The following ALAD variants were observed in gnomAD, a reference collection of about 807,000 sequenced individuals.
ALAD encodes aminolevulinate dehydratase, also known as delta-aminolevulinic acid dehydratase.
ALAD carries 20 observed loss-of-function variants against 44.4 expected under a neutral mutation model. The ratio of observed to expected loss-of-function variants is 0.45; its 90% CI spans 0.32 to 0.65. The LOEUF is 0.65. Ranked by LOEUF, ALAD falls within the 30% of genes least tolerant of loss-of-function variation. ALAD has a pLI of 0.05. For missense variants in ALAD, 323 were observed against 445.7 expected (o/e 0.72, Z 2.48); for synonymous variants, 156 against 167.9 (o/e 0.93, Z 0.55).
intron 2 of ALAD, among the ~76,000 whole-genome samples, chr9:113,392,967 G>A (rs1156875059): frequency 6.6e-6 from 1 of 151,902 alleles, no homozygotes; most frequent in Non-Finnish European, 1.5e-5. Context: ...ACAGGCACCC[G>A]CCACCACGCC....
chr9:113,392,182 G>A lies in ALAD; in HGVS notation c.114-13C>T. 1 of 1,613,952 alleles carries A rather than the reference G, an allele frequency of 6.2e-7. No individual in the cohort carries two copies. Among genetic ancestry groups the A allele is most frequent in the East Asian group, 2.2e-5 (1 of 44,882 alleles). On this transcript the variant is annotated splice_polypyrimidine_tract_variant and intron_variant, in intron 2 of 11. Transcript: ENST00000409155. ...ATCAGGAACATCCCTGCAAGAGCGG[G>A]GGTGGGATATGGATTGGTAGCTGTG...
rs768861725 is a variant in ALAD, at chr9:113,387,868, C to T, written c.*432G>A. 12 of 281,170 alleles carry T rather than the reference C, an allele frequency of 4.3e-5. No homozygotes were observed. Among genetic ancestry groups the T allele is most frequent in the Middle Eastern group, 1.3e-3 (1 of 762 alleles). 17.4% of individuals were successfully genotyped at this position (281,170 alleles called of 1,614,324 possible). On this transcript the variant is annotated 3_prime_UTR_variant, in exon 12 of 12. Coordinates refer to ENST00000409155, the MANE Select transcript of ALAD (RefSeq NM_000031.6). ...CTAACCCAGGGATATCGATCTAGGCCTCATTCCCACACCCAGCTCTGCTGC... is the reference window on the plus strand; with the variant it reads ...CTAACCCAGGGATATCGATCTAGGCTTCATTCCCACACCCAGCTCTGCTGC...
intron 2 of ALAD, 24 bp downstream of exon 2, chr9:113,393,423 C>G: frequency 6.3e-7 from 1 of 1,581,936 alleles, no homozygotes; most frequent in Non-Finnish European, 8.7e-7. Flanking sequence ...AGAGCAGAGG[C>G]CTGGCCCATT....
At position 113,392,277 on chromosome 9, in the gene ALAD, G is replaced by C. The variant is rs147065323; in HGVS notation, c.114-108C>G. On this transcript the variant is annotated intron_variant, in intron 2 of 11. Transcript: ENST00000409155. ...AGCAGGAAAGAAATATGGAAGTGGA[G>C]ATGGTGGGAGGAGGATGGGATCCAG... 19 of 1,597,182 alleles carry C rather than the reference G, an allele frequency of 1.2e-5. No individual in the cohort carries two copies. In the South Asian group the frequency reaches 1.7e-4, roughly 14 times the overall value.
chr9:113,396,079 C>T (rs370968126), intron 1 of ALAD, among the ~76,000 whole-genome samples: 12 of 152,072 alleles, frequency 7.9e-5, no homozygotes, highest in African/African-American at 2.7e-4. Flanking sequence ...GCCTGTAATC[C>T]CAGCTACTTC....
At position 113,390,829 on chromosome 9, in the gene ALAD, G is replaced by A. The variant is rs1311119978; in HGVS notation, c.366C>T (p.Cys122=). ...FPNLLVACDV[C]LCPYTSHGHC... ...GACCATGGGAGGTGTAGGGACACAG[G>A]CAGACATCACAGGCCACCAGGAGGT... Residue 122 remains cysteine, a synonymous_variant, in exon 5 of 12, where the codon TGC becomes TGT. Transcript: ENST00000409155. 1 of 1,613,320 alleles carries A rather than the reference G, an allele frequency of 6.2e-7. No individual in the cohort carries two copies. Among genetic ancestry groups the A allele is most frequent in the Non-Finnish European group, 8.5e-7 (1 of 1,179,724 alleles).
chr9:113,394,433 G>A (rs944780815), intron 1 of ALAD, among the ~76,000 whole-genome samples: 1 of 151,618 alleles, frequency 6.6e-6, no homozygotes, highest in Non-Finnish European at 1.5e-5. Context: ...AGCTACTCAG[G>A]AGGCTAAAGC....
At chr9:113,393,706 C>G (rs780947939) in intron 1 of ALAD, 72 bp from the exon 2 acceptor site, 3 of 667,074 alleles carry the variant, frequency 4.5e-6, no homozygotes, top group East Asian at 5.3e-5. Context: ...TGGAAAACAG[C>G]TCTTCTAGAT....
At chr9:113,388,876 G>T in intron 11 of ALAD, 101 bp downstream of exon 11, 1 of 1,570,060 alleles carries the variant, frequency 6.4e-7, no homozygotes, top group Non-Finnish European at 8.8e-7. Flanking sequence ...GTAATTCCCG[G>T]AATAAGATCC....
intron 3 of ALAD, 64 bp downstream of exon 3, chr9:113,392,055 G>A: frequency 6.9e-7 from 1 of 1,451,108 alleles, no homozygotes; most frequent in Admixed American, 1.9e-5. Context: ...CTGCCTCCCA[G>A]CACTTCCACC....
At chr9:113,400,274 G>A (rs1334372078) in intron 1 of ALAD, among the ~76,000 whole-genome samples, 1 of 152,158 alleles carries the variant, frequency 6.6e-6, no homozygotes, top group Non-Finnish European at 1.5e-5. Context: ...AGTCCTCAGT[G>A]CCCACCATGA....
chr9:113,388,989 A>G lies in ALAD; in HGVS notation c.919T>C (p.Phe307Leu), dbSNP rs764311002. The change falls in exon 11 of 12, where the codon TTC becomes CTC. Residue 307 changes from phenylalanine (F) to leucine (L), a missense_variant. Coordinates refer to ENST00000409155, the MANE Select transcript of ALAD (RefSeq NM_000031.6). ...CTTGCCTGCCTACCTGCTCTGCGGA[A>G]GGCAGTCATGGCCTCCAGTACGGCA... ...KAAVLEAMTA[F>L]RRAGADIIIT... 1 of 1,613,898 alleles carries G rather than the reference A, an allele frequency of 6.2e-7. No homozygotes were observed. Among genetic ancestry groups the G allele is most frequent in the Non-Finnish European group, 8.5e-7 (1 of 1,180,036 alleles).
intron 11 of ALAD, 81 bp from the exon 12 acceptor site, chr9:113,388,442 C>CG: frequency 7.4e-7 from 1 of 1,360,174 alleles, no homozygotes; most frequent in Non-Finnish European, 1.1e-6. Flanking sequence ...GAAGGCCAGG[C>CG]GGGGAAGAAG....
intron 1 of ALAD, among the ~76,000 whole-genome samples, chr9:113,399,546 A>G (rs1827808741): frequency 6.6e-6 from 1 of 152,176 alleles, no homozygotes; most frequent in African/African-American, 2.4e-5. Context: ...TGTCAGAGGG[A>G]CTGTGTCTCT....
intron 1 of ALAD, among the ~76,000 whole-genome samples, chr9:113,400,711 A>C (rs979448965): frequency 6.6e-6 from 1 of 152,134 alleles, no homozygotes; most frequent in Non-Finnish European, 1.5e-5. Flanking sequence ...AATCCCAGCT[A>C]GTTGGCAGGC....
At chr9:113,401,191 C>T (rs1413627196) in intron 1 of ALAD, 21 bp downstream of exon 1, 1 of 153,168 alleles carries the variant, frequency 6.5e-6, no homozygotes, top group Non-Finnish European at 1.5e-5. Context: ...CGCTATCTCC[C>T]CGCATCCAGC....
rs1170863790 is a variant in ALAD at position 113,390,827 on chromosome 9, A to G, written c.368T>C (p.Leu123Pro). ...GTGACCATGGGAGGTGTAGGGACAC[A>G]GGCAGACATCACAGGCCACCAGGAG... ...PNLLVACDVCLCPYTSHGHCG... is the reference protein window; with the variant it reads ...PNLLVACDVCPCPYTSHGHCG... The change falls in exon 5 of 12, where the codon CTG (leucine) becomes CCG (proline). Residue 123 changes from leucine (L) to proline (P), a missense_variant. Leu to Pro is a moderately conservative substitution (Grantham distance 98). Transcript: ENST00000409155. 6.2e-7 allele frequency: 1 copy of G among 1,613,134 alleles called. No individual in the cohort carries two copies. The highest frequency in any genetic ancestry group is 8.5e-7 in the Non-Finnish European group (1 of 1,179,702).
At chr9:113,395,380 T>C (rs1827700068) in intron 1 of ALAD, among the ~76,000 whole-genome samples, 1 of 152,226 alleles carries the variant, frequency 6.6e-6, no homozygotes, top group African/African-American at 2.4e-5. Flanking sequence ...GTCTCTCTTA[T>C]GTAAGTTATC....
rs2118981095 is a variant in ALAD, at chr9:113,388,842, AGT to A, written c.931+133_931+134del. ...TGCTGCAGTTCCATATCTCTTCCTC[AGT>A]GTGTGTCTGTTTAGATCACTAGTAA... On this transcript the variant is annotated intron_variant, in intron 11 of 11. Transcript: ENST00000409155. 7.4e-6 allele frequency: 10 copies of A among 1,351,416 alleles called. No individual in the cohort carries two copies. The Admixed American group carries it at 1.3e-4, about 17-fold the overall frequency. 83.7% of individuals were successfully genotyped at this position (1,351,416 alleles called of 1,614,324 possible).
Sources: allele counts gnomAD v4.1 joint callset (sites outside exome capture counted in the v4.1 genomes callset), GRCh38; gene constraint gnomAD v4.1.1; transcripts MANE v1.5; gene names NCBI Gene and HGNC (gene_info 2026-07-23, HGNC 2026-07-21).